EYS: variants seen among roughly 807,000 people sequenced by gnomAD.
EYS encodes EGF-like photoreceptor maintenance factor, also known as protein eyes shut homolog.
EYS carries 250 observed loss-of-function variants against 282.1 expected under a neutral mutation model. The observed-to-expected ratio is 0.89, with a 90% CI of 0.80 to 0.98. The LOEUF is 0.98. Ranked by LOEUF, EYS falls within the 50% of genes least tolerant of loss-of-function variation. The pLI is 0.00. For missense variants in EYS, 4,016 were observed against 3,709.0 expected, an observed-to-expected ratio of 1.08 and a Z score of -2.15; for synonymous variants, 1,355 against 1,282.9, an observed-to-expected ratio of 1.06 and a Z score of -1.20.
At chr6:64,530,261 T>TA (rs894696691) in intron 26 of EYS, among the ~76,000 whole-genome samples, 71 of 152,154 alleles carry the variant, frequency 4.7e-4, no homozygotes, top group African/African-American at 1.7e-3. Context: ...TTAAAAGTAC[T>TA]AAAATATCTA....
intron 10 of EYS, 55 bp from the exon 11 acceptor site, chr6:65,335,201 TTACA>T: frequency 4.8e-6 from 6 of 1,240,752 alleles, no homozygotes; most frequent in Non-Finnish European, 7.1e-6. Flanking sequence ...TACTACAATA[TTACA>T]ATTGTGACCT....
At chr6:65,161,856 G>C (rs540038035) in intron 12 of EYS, among the ~76,000 whole-genome samples, 2 of 150,988 alleles carry the variant, frequency 1.3e-5, no homozygotes, top group Non-Finnish European at 3.0e-5. Flanking sequence ...GAGTATACTT[G>C]CCAACAAAAT....
intron 22 of EYS, among the ~76,000 whole-genome samples, chr6:64,736,831 G>C (rs923790391): frequency 6.6e-6 from 1 of 152,044 alleles, no homozygotes; most frequent in Non-Finnish European, 1.5e-5. Context: ...GAAGAAGACA[G>C]AGAATAAGGT....
chr6:64,094,291 C>CTT (rs200036166), intron 31 of EYS, among the ~76,000 whole-genome samples: 4 of 152,062 alleles, frequency 2.6e-5, no homozygotes, highest in East Asian at 3.9e-4. Context: ...AGGAGGATTC[C>CTT]TTTTTTTTCT....
Position 64,840,028 on chromosome 6 carries a change from G to T in EYS, c.2993-17206C>A, listed in dbSNP as rs1019117274. 4.8e-4 allele frequency among the ~76,000 whole-genome samples: 73 copies of T among 151,964 alleles called. 2 individuals carry two copies. Among genetic ancestry groups the T allele is most frequent in the Admixed American group, 4.8e-3 (73 of 15,202 alleles). On this transcript the variant is annotated intron_variant, in intron 19 of 42. Coordinates refer to ENST00000503581, the MANE Select transcript of EYS (RefSeq NM_001142800.2). ...TACATGTAAGATCATTCTAAGTAGG[G>T]CACTTTAATTTTACTCACGTGATGT...
intron 22 of EYS, chr6:64,631,493 A>G (rs893158766): frequency 1.3e-5 from 2 of 152,132 alleles, no homozygotes; most frequent in Non-Finnish European, 2.9e-5. Context: ...TGTTGCTGAT[A>G]CTGTTCCTTT....
At chr6:65,205,899 C>G (rs931429629) in intron 12 of EYS, among the ~76,000 whole-genome samples, 1 of 151,648 alleles carries the variant, frequency 6.6e-6, no homozygotes. Flanking sequence ...TGTGATAACA[C>G]TAAAGCTAAT....
intron 5 of EYS, among the ~76,000 whole-genome samples, chr6:65,482,791 CT>C (rs1470802392): frequency 6.6e-6 from 1 of 152,196 alleles, no homozygotes; most frequent in African/African-American, 2.4e-5. Flanking sequence ...CATCACTCAT[CT>C]TGGATTCAAA....
intron 12 of EYS, among the ~76,000 whole-genome samples, chr6:65,081,247 A>T (rs1774223363): frequency 6.6e-6 from 1 of 152,030 alleles, no homozygotes; most frequent in African/African-American, 2.4e-5. Context: ...CCCTTTTAAC[A>T]TTCCTTCTAG....
At chr6:64,755,652 A>G (rs1253988953) in intron 22 of EYS, among the ~76,000 whole-genome samples, 1 of 152,106 alleles carries the variant, frequency 6.6e-6, no homozygotes, top group East Asian at 1.9e-4. Flanking sequence ...ACAGAATGTC[A>G]AATACTGCAT....
At chr6:64,201,129 G>A (rs1765450132) in intron 31 of EYS, among the ~76,000 whole-genome samples, 1 of 152,056 alleles carries the variant, frequency 6.6e-6, no homozygotes, top group African/African-American at 2.4e-5. Context: ...ATGAAGGAGA[G>A]TTGACATATT....
intron 28 of EYS, among the ~76,000 whole-genome samples, chr6:64,415,379 A>G (rs556765009): frequency 1.3e-5 from 2 of 152,346 alleles, no homozygotes; most frequent in Admixed American, 1.3e-4. Flanking sequence ...TGCTCTAAAA[A>G]ACAATAAATG....
rs183992985 is a variant in EYS at position 65,527,558 on chromosome 6, A to C, written c.-332-31565T>G. ...ACCCCAGTGTTAGCACAGAAAAGTC[A>C]TAAATGTCATGGTGGCACAAAAGGT... On this transcript the variant is annotated intron_variant, in intron 2 of 42. Transcript: ENST00000503581. 3.9e-5 allele frequency among the ~76,000 whole-genome samples: 6 copies of C among 152,326 alleles called. No individual in the cohort carries two copies. The East Asian group carries it at 1.2e-3, about 29-fold the overall frequency.
intron 36 of EYS, among the ~76,000 whole-genome samples, chr6:63,836,776 A>G (rs2149695059): frequency 6.6e-6 from 1 of 152,222 alleles, no homozygotes; most frequent in South Asian, 2.1e-4. Flanking sequence ...TTGGGGAATG[A>G]GGACATAGTC....
intron 33 of EYS, among the ~76,000 whole-genome samples, chr6:64,065,973 T>C (rs987003147): frequency 2.6e-5 from 4 of 152,072 alleles, no homozygotes; most frequent in African/African-American, 2.4e-5. Flanking sequence ...ATTTAAAAAA[T>C]AGAGTTCAGG....
intron 28 of EYS, among the ~76,000 whole-genome samples, chr6:64,412,335 T>C (rs1773927595): frequency 6.6e-6 from 1 of 152,134 alleles, no homozygotes. Flanking sequence ...GTGAATAGCC[T>C]ATTTAAAACA....
intron 34 of EYS, among the ~76,000 whole-genome samples, chr6:63,986,528 C>G (rs1305497319): frequency 6.6e-6 from 1 of 151,698 alleles, no homozygotes; most frequent in African/African-American, 2.4e-5. Flanking sequence ...AACCTAAATG[C>G]CCATCAGTGA....
chr6:64,514,201 G>A (rs911826014), intron 26 of EYS, among the ~76,000 whole-genome samples: 1 of 151,656 alleles, frequency 6.6e-6, no homozygotes, highest in African/African-American at 2.4e-5. Flanking sequence ...TATGATTTAT[G>A]ATTATGTGCC....
chr6:64,282,307 A>G (rs991636334), intron 30 of EYS, among the ~76,000 whole-genome samples: 1 of 152,168 alleles, frequency 6.6e-6, no homozygotes, highest in Non-Finnish European at 1.5e-5. Flanking sequence ...ACAATTCTAC[A>G]ATAAGTTCTC....
Sources: gnomAD v4.1 joint callset for allele counts (sites outside exome capture counted in the v4.1 genomes callset) on GRCh38, gnomAD v4.1.1 for gene constraint, MANE v1.5 for transcripts, NCBI Gene and HGNC (gene_info 2026-07-23, HGNC 2026-07-21) for gene names.